NRG3: variants seen among roughly 807,000 people sequenced by gnomAD.
The protein encoded by NRG3 is neuregulin 3.
In NRG3, 31 loss-of-function variants were observed where a neutral mutation model predicts 66.9. The observed-to-expected ratio is 0.46, with a 90% CI of 0.35 to 0.63. The LOEUF is 0.63. NRG3 is among the 20% of genes least tolerant of loss of function. The probability of loss-of-function intolerance (pLI) is 0.00; values close to 1 mark genes in which losing one functional copy is unlikely to be tolerated. For missense variants in NRG3, 910 were observed against 878.9 expected, an observed-to-expected ratio of 1.04 and a Z score of -0.45; for synonymous variants, 393 against 359.4, an observed-to-expected ratio of 1.09 and a Z score of -1.06.
At chr10:82,310,697 G>T (rs2080974482) in intron 1 of NRG3, among the ~76,000 whole-genome samples, 1 of 152,044 alleles carries the variant, frequency 6.6e-6, no homozygotes. Context: ...TATCCAGGGA[G>T]GGCGACTACA....
At chr10:82,929,273 C>T (rs1314581027) in intron 4 of NRG3, among the ~76,000 whole-genome samples, 1 of 152,150 alleles carries the variant, frequency 6.6e-6, no homozygotes, top group Non-Finnish European at 1.5e-5. Flanking sequence ...GCTTTGACAA[C>T]TGTCTTAACT....
In NRG3 at chr10:82,062,544, T is replaced by C. The variant is rs534096819; in HGVS notation, c.823+186381T>C. On this transcript the variant is annotated intron_variant, in intron 1 of 8. Transcript: ENST00000372141. ...TTGCTCTAACCTGGAAGGCAGAGGT[T>C]GCAGTGAGCCAAGGTCACGCTACTG... Among the ~76,000 whole-genome samples the C allele has an allele frequency of 7.8e-4, 118 of 151,466 alleles. 3 individuals are homozygous for C. In the South Asian group the frequency reaches 0.024, roughly 31 times the overall value.
intron 1 of NRG3, among the ~76,000 whole-genome samples, chr10:82,265,133 T>A (rs1241341577): frequency 6.6e-6 from 1 of 152,188 alleles, no homozygotes; most frequent in South Asian, 2.1e-4. Flanking sequence ...AGATAGTAAA[T>A]TAACCACCAA....
intron 2 of NRG3, among the ~76,000 whole-genome samples, chr10:82,548,703 C>G: frequency 6.6e-6 from 1 of 151,772 alleles, no homozygotes. Context: ...ACATAGACAG[C>G]GTACAGTTCA....
At chr10:82,812,069 C>G (rs999849633) in intron 3 of NRG3, among the ~76,000 whole-genome samples, 2 of 152,104 alleles carry the variant, frequency 1.3e-5, no homozygotes, top group Non-Finnish European at 2.9e-5. Flanking sequence ...TAAATGACTC[C>G]CAACAACCAA....
intron 1 of NRG3, among the ~76,000 whole-genome samples, chr10:82,174,787 C>T (rs2072899683): frequency 6.6e-6 from 1 of 152,054 alleles, no homozygotes; most frequent in African/African-American, 2.4e-5. Flanking sequence ...ACTGGGGCAT[C>T]TAGTTCCTGC....
At chr10:82,639,821 T>C (rs761542579) in intron 2 of NRG3, among the ~76,000 whole-genome samples, 3 of 152,166 alleles carry the variant, frequency 2.0e-5, no homozygotes, top group South Asian at 4.1e-4. Flanking sequence ...GTTTGTTATA[T>C]AGGTAAACTT....
intron 3 of NRG3, among the ~76,000 whole-genome samples, chr10:82,851,408 T>TCAG (rs1344012709): frequency 6.6e-6 from 1 of 152,110 alleles, no homozygotes; most frequent in Non-Finnish European, 1.5e-5. Context: ...AATGCATGGC[T>TCAG]CAGCAGCAGC....
At chr10:82,376,383 A>C (rs1487701646) in intron 2 of NRG3, among the ~76,000 whole-genome samples, 3 of 152,192 alleles carry the variant, frequency 2.0e-5, no homozygotes, top group African/African-American at 7.2e-5. Context: ...CTTCTGCCAC[A>C]GGCCTCCACT....
chr10:82,359,993 C>T (rs150499056), intron 2 of NRG3, among the ~76,000 whole-genome samples: 5 of 152,260 alleles, frequency 3.3e-5, no homozygotes, highest in African/African-American at 4.8e-5. Flanking sequence ...AGAACAGATA[C>T]GTGATATAGT....
At chr10:82,290,842 A>C (rs2079693300) in intron 1 of NRG3, among the ~76,000 whole-genome samples, 2 of 148,916 alleles carry the variant, frequency 1.3e-5, no homozygotes, top group Non-Finnish European at 3.0e-5. Context: ...ACGGGGTTTC[A>C]CCATGTTAGC....
At chr10:82,742,858 T>C (rs2058485333) in intron 3 of NRG3, among the ~76,000 whole-genome samples, 1 of 152,122 alleles carries the variant, frequency 6.6e-6, no homozygotes, top group Non-Finnish European at 1.5e-5. Flanking sequence ...TAGATGGAGC[T>C]GAACTATGTG....
intron 1 of NRG3, among the ~76,000 whole-genome samples, chr10:82,255,034 A>C (rs2134138306): frequency 6.6e-6 from 1 of 152,302 alleles, no homozygotes; most frequent in Non-Finnish European, 1.5e-5. Context: ...GGAAAATCTG[A>C]CAAACACTAC....
At chr10:82,873,162 A>G (rs1365095357) in intron 4 of NRG3, among the ~76,000 whole-genome samples, 1 of 152,172 alleles carries the variant, frequency 6.6e-6, no homozygotes, top group Non-Finnish European at 1.5e-5. Context: ...GGAAATTTCA[A>G]CAGCAAATAC....
intron 1 of NRG3, among the ~76,000 whole-genome samples, chr10:82,327,943 T>C (rs1039008526): frequency 6.6e-6 from 1 of 152,206 alleles, no homozygotes; most frequent in Non-Finnish European, 1.5e-5. Context: ...TCTCTTCCTC[T>C]TAAAAACACC....
At chr10:81,916,753 C>T (rs1252117855) in intron 1 of NRG3, among the ~76,000 whole-genome samples, 2 of 152,172 alleles carry the variant, frequency 1.3e-5, no homozygotes, top group African/African-American at 4.8e-5. Flanking sequence ...CACATCTTTT[C>T]TTGGGCATCT....
intron 3 of NRG3, among the ~76,000 whole-genome samples, chr10:82,759,176 G>GTC (rs113145049): frequency 0.64 from 96,690 of 149,938 alleles, 32,243 homozygotes; most frequent in South Asian, 0.75. Context: ...GGCTTTCTTG[G>GTC]TCTCTCTCTC....
intron 1 of NRG3, among the ~76,000 whole-genome samples, chr10:81,919,939 G>A (rs1846094903): frequency 6.6e-6 from 1 of 152,106 alleles, no homozygotes; most frequent in Admixed American, 6.6e-5. Flanking sequence ...TCTTGATTTT[G>A]TTCTTCCCCG....
At chr10:82,927,427 G>A (rs1029273841) in intron 4 of NRG3, among the ~76,000 whole-genome samples, 1 of 151,868 alleles carries the variant, frequency 6.6e-6, no homozygotes, top group East Asian at 1.9e-4. Context: ...AGGTATACAC[G>A]GGCTATGGTG....
Sources: allele counts gnomAD v4.1 joint callset (sites outside exome capture counted in the v4.1 genomes callset), GRCh38; gene constraint gnomAD v4.1.1; transcripts MANE v1.5; gene names NCBI Gene and HGNC (gene_info 2026-07-23, HGNC 2026-07-21).